DCDC1: variants seen among roughly 807,000 people sequenced by gnomAD.
DCDC1 encodes doublecortin domain-containing protein 1.
Under a neutral mutation model 178.3 loss-of-function variants are expected in DCDC1, and 200 were observed. The observed-to-expected ratio is 1.12, with a 90% CI of 1.00 to 1.26. The LOEUF is 1.26. DCDC1 is among the 50% of genes most tolerant of loss of function. The pLI is 0.00. For synonymous variants in DCDC1, 690 were observed against 604.8 expected (o/e 1.14, Z -2.07); for missense variants, 1,983 against 1,749.2 (o/e 1.13, Z -2.38).
At chr11:31,139,224 A>G (rs1342674739) in intron 9 of DCDC1, among the ~76,000 whole-genome samples, 1 of 152,212 alleles carries the variant, frequency 6.6e-6, no homozygotes, top group South Asian at 2.1e-4. Flanking sequence ...TTTAAAAAAC[A>G]ACAATAACAA....
chr11:31,302,339 A>G (rs952421410), intron 6 of DCDC1, among the ~76,000 whole-genome samples: 2 of 152,178 alleles, frequency 1.3e-5, no homozygotes, highest in African/African-American at 4.8e-5. Context: ...ACAATTAAGC[A>G]GAAGATTTAG....
intron 9 of DCDC1, among the ~76,000 whole-genome samples, chr11:31,194,348 T>C (rs1452236942): frequency 6.6e-6 from 1 of 152,076 alleles, no homozygotes; most frequent in Non-Finnish European, 1.5e-5. Flanking sequence ...ATACGAATTG[T>C]TTTAAATAGC....
At chr11:31,015,621 A>G (rs1197555617) in intron 20 of DCDC1, among the ~76,000 whole-genome samples, 3 of 152,244 alleles carry the variant, frequency 2.0e-5, no homozygotes, top group African/African-American at 7.2e-5. Context: ...TACTGAAAAG[A>G]TAACTGCTGA....
At chr11:31,123,449 C>T (rs208071) in intron 11 of DCDC1, among the ~76,000 whole-genome samples, 45,465 of 151,712 alleles carry the variant, frequency 0.3, 8,288 homozygotes, top group East Asian at 0.63. Flanking sequence ...TACAAAATTC[C>T]TGAAAACTTA....
chr11:31,083,498 A>G (rs1211704851), intron 17 of DCDC1, among the ~76,000 whole-genome samples: 1 of 152,156 alleles, frequency 6.6e-6, no homozygotes, highest in African/African-American at 2.4e-5. Flanking sequence ...TGCCAAAGGG[A>G]ACGGTGGAGA....
rs759377841 is a variant in DCDC1 at position 30,952,431 on chromosome 11, C to A, written c.2715+14G>T. 9 of 1,542,106 alleles carry A rather than the reference C, an allele frequency of 5.8e-6. No individual in the cohort carries two copies. The South Asian group carries it at 1.1e-4, about 19-fold the overall frequency. ...TAAGTCTCAATGACCATCTCTTAAG[C>A]TAAGCAACACAACCTCATTAAGTTG... On this transcript the variant is annotated intron_variant, in intron 21 of 38. Coordinates refer to ENST00000684477, the MANE Select transcript of DCDC1 (RefSeq NM_001387274.1).
chr11:31,050,274 G>A (rs889898630), intron 20 of DCDC1, among the ~76,000 whole-genome samples: 1 of 152,022 alleles, frequency 6.6e-6, no homozygotes, highest in Non-Finnish European at 1.5e-5. Flanking sequence ...AGCAGAGTCA[G>A]CCATAATCCT....
chr11:30,882,333 A>G (rs1942759790), intron 36 of DCDC1: 2 of 152,214 alleles, frequency 1.3e-5, no homozygotes, highest in African/African-American at 4.8e-5. Context: ...GGATGAGTGG[A>G]TTGAATTTAA....
At chr11:30,899,776 GA>G (rs1450717394) in intron 33 of DCDC1, 134 bp from the exon 34 acceptor site, 9 of 622,992 alleles carry the variant, frequency 1.4e-5, no homozygotes, top group Non-Finnish European at 1.7e-5. Context: ...GTCATTAAAA[GA>G]AACTTCATTT....
intron 1 of DCDC1, among the ~76,000 whole-genome samples, chr11:31,347,180 T>C (rs1268462067): frequency 6.6e-6 from 1 of 152,166 alleles, no homozygotes; most frequent in Non-Finnish European, 1.5e-5. Flanking sequence ...AACCTCCTTA[T>C]CTTCTTCCCC....
At chr11:31,119,777 G>C (rs1049701197) in intron 11 of DCDC1, among the ~76,000 whole-genome samples, 3 of 152,120 alleles carry the variant, frequency 2.0e-5, no homozygotes, top group Non-Finnish European at 2.9e-5. Flanking sequence ...CAATGCACAG[G>C]AAAGTCACAT....
At chr11:31,192,901 T>A (rs1970284704) in intron 9 of DCDC1, among the ~76,000 whole-genome samples, 4 of 152,086 alleles carry the variant, frequency 2.6e-5, no homozygotes, top group Admixed American at 2.6e-4. Context: ...CATCATACAA[T>A]TCCTTGAGGT....
chr11:30,919,536 A>C (rs1246973136), intron 25 of DCDC1, among the ~76,000 whole-genome samples: 1 of 152,172 alleles, frequency 6.6e-6, no homozygotes, highest in African/African-American at 2.4e-5. Context: ...GTGCAGACTA[A>C]GAGGCTAGAT....
At chr11:31,359,937 T>G (rs912384733) in intron 1 of DCDC1, among the ~76,000 whole-genome samples, 1 of 152,230 alleles carries the variant, frequency 6.6e-6, no homozygotes, top group East Asian at 1.9e-4. Flanking sequence ...CTCTTCCCAG[T>G]CTCATTCCTT....
At chr11:31,132,964 T>C (rs1209599333) in intron 10 of DCDC1, among the ~76,000 whole-genome samples, 5 of 152,238 alleles carry the variant, frequency 3.3e-5, no homozygotes, top group Non-Finnish European at 5.9e-5. Flanking sequence ...AGACAGGTTT[T>C]TGCATAACAT....
At chr11:31,045,498 T>G (rs1409612269) in intron 20 of DCDC1, among the ~76,000 whole-genome samples, 2 of 152,092 alleles carry the variant, frequency 1.3e-5, no homozygotes. Context: ...AAATTCCCTA[T>G]TAGAAGTATG....
chr11:31,129,163 C>G (rs115921525), intron 10 of DCDC1, among the ~76,000 whole-genome samples: 127 of 105,414 alleles, frequency 1.2e-3, no homozygotes, highest in African/African-American at 3.9e-3. Flanking sequence ...CACTATTACT[C>G]ATATGACCTA....
intron 9 of DCDC1, among the ~76,000 whole-genome samples, chr11:31,152,286 A>AT (rs1965251288): frequency 6.6e-6 from 1 of 152,186 alleles, no homozygotes; most frequent in South Asian, 2.1e-4. Flanking sequence ...TTTTGCCTCC[A>AT]TTCCATTGGA....
chr11:30,890,291 C>T (rs1384566896), intron 36 of DCDC1, among the ~76,000 whole-genome samples: 5 of 152,234 alleles, frequency 3.3e-5, no homozygotes, highest in Non-Finnish European at 4.4e-5. Flanking sequence ...CTGGTCACAT[C>T]TATCTCTTCC....
Sources: allele counts gnomAD v4.1 joint callset (sites outside exome capture counted in the v4.1 genomes callset), GRCh38; gene constraint gnomAD v4.1.1; transcripts MANE v1.5; gene names NCBI Gene and HGNC (gene_info 2026-07-23, HGNC 2026-07-21).